Variants in DLG2 observed in about 807,000 individuals in gnomAD.
DLG2 encodes the protein disks large homolog 2.
In DLG2, 45 loss-of-function variants were observed where a neutral mutation model predicts 132.5. The ratio of observed to expected loss-of-function variants is 0.34; its 90% CI spans 0.27 to 0.44. The LOEUF is 0.44. Among genes scored for constraint, DLG2 ranks in the 20% least tolerant of loss-of-function variants. The probability of loss-of-function intolerance (pLI) is 1.00; values close to 1 mark genes in which losing one functional copy is unlikely to be tolerated. For synonymous variants in DLG2, 424 were observed against 419.6 expected, an observed-to-expected ratio of 1.01 and a Z score of -0.13; for missense variants, 1,045 against 1,196.9, an observed-to-expected ratio of 0.87 and a Z score of 1.87.
intron 11 of DLG2, among the ~76,000 whole-genome samples, chr11:84,000,651 G>T (rs943250702): frequency 1.3e-5 from 2 of 152,082 alleles, no homozygotes; most frequent in African/African-American, 2.4e-5. Context: ...ATCTCCACTA[G>T]ACTAAAATTG....
intron 3 of DLG2, among the ~76,000 whole-genome samples, chr11:85,441,157 C>T (rs1007531619): frequency 6.6e-6 from 1 of 151,994 alleles, no homozygotes; most frequent in Non-Finnish European, 1.5e-5. Flanking sequence ...ACAAGAGCAC[C>T]GAAGTATATA....
At chr11:84,377,129 G>A (rs2098732511) in intron 7 of DLG2, among the ~76,000 whole-genome samples, 1 of 152,036 alleles carries the variant, frequency 6.6e-6, no homozygotes. Context: ...TGCACCATCT[G>A]TGAAGTATCC....
Position 84,243,189 on chromosome 11 carries a change from T to C in DLG2, c.573+8049A>G, listed in dbSNP as rs901082473. On this transcript the variant is annotated intron_variant, in intron 8 of 27. Coordinates refer to ENST00000376104, the MANE Select transcript of DLG2 (RefSeq NM_001142699.3). The stretch of plus-strand genomic sequence containing the variant: ...AATAATGGACAATTCCATATCTGCA[T>C]TGTTTAATACAATACCCATTAGCCC... Among the ~76,000 whole-genome samples the C allele has an allele frequency of 2.8e-4, 42 of 152,184 alleles. 1 individual carries two copies. The highest frequency in any genetic ancestry group is 9.9e-4 in the African/African-American group (41 of 41,440).
At chr11:83,660,960 C>T (rs1308075404) in intron 18 of DLG2, among the ~76,000 whole-genome samples, 1 of 152,044 alleles carries the variant, frequency 6.6e-6, no homozygotes, top group Non-Finnish European at 1.5e-5. Flanking sequence ...GGAGATTATA[C>T]TAAGTTTTGT....
At chr11:84,295,465 C>T (rs989207388) in intron 7 of DLG2, among the ~76,000 whole-genome samples, 1 of 152,160 alleles carries the variant, frequency 6.6e-6, no homozygotes, top group Non-Finnish European at 1.5e-5. Flanking sequence ...TACTAATTTT[C>T]ACTGTATTCT....
chr11:83,599,620 G>A (rs889426729), intron 19 of DLG2, among the ~76,000 whole-genome samples: 4 of 152,098 alleles, frequency 2.6e-5, no homozygotes, highest in African/African-American at 7.2e-5. Flanking sequence ...TCATAACAGC[G>A]TAATACTGTG....
intron 6 of DLG2, among the ~76,000 whole-genome samples, chr11:85,099,703 G>C (rs2070534909): frequency 6.6e-6 from 1 of 152,134 alleles, no homozygotes; most frequent in South Asian, 2.1e-4. Flanking sequence ...CCCCATATCT[G>C]TAGCTGGTCT....
At chr11:84,962,812 A>G (rs1458731571) in intron 6 of DLG2, among the ~76,000 whole-genome samples, 1 of 152,210 alleles carries the variant, frequency 6.6e-6, no homozygotes, top group Non-Finnish European at 1.5e-5. Context: ...AGATACTTCT[A>G]TTTCTTTCTT....
rs556347290 is a variant in DLG2, at chr11:85,117,114, G to T, written c.283-5379C>A. On this transcript the variant is annotated intron_variant, in intron 5 of 27. Transcript: ENST00000376104. ...ACTCTCAGAGTTCGTCAAGGCAAAA[G>T]ATTCATTCTGGAGCCATTGTAACAC... Among the ~76,000 whole-genome samples the T allele has an allele frequency of 2.6e-5, 4 of 152,126 alleles. No individual in the cohort carries two copies. In the East Asian group the frequency reaches 5.8e-4, roughly 22 times the overall value.
At chr11:84,059,574 G>C (rs2096558223) in intron 10 of DLG2, 90 bp from the exon 11 acceptor site, 1 of 1,005,756 alleles carries the variant, frequency 9.9e-7, no homozygotes, top group Non-Finnish European at 1.4e-6. Context: ...TAAGAAGTGG[G>C]AAAGTAAAGA....
intron 10 of DLG2, among the ~76,000 whole-genome samples, chr11:84,085,543 T>C (rs896464271): frequency 6.6e-6 from 1 of 152,312 alleles, no homozygotes; most frequent in African/African-American, 2.4e-5. Flanking sequence ...TCAACAAATG[T>C]CAGATAATTA....
chr11:84,896,248 A>C (rs1191801942), intron 6 of DLG2, among the ~76,000 whole-genome samples: 1 of 152,100 alleles, frequency 6.6e-6, no homozygotes, highest in Non-Finnish European at 1.5e-5. Context: ...CTTATATGCA[A>C]ATTCTACAAC....
intron 2 of DLG2, among the ~76,000 whole-genome samples, chr11:85,614,583 T>G (rs1384202743): frequency 6.6e-6 from 1 of 152,160 alleles, no homozygotes; most frequent in Non-Finnish European, 1.5e-5. Context: ...GAGGTTGCAG[T>G]AAGCCAAAAT....
At chr11:84,699,238 G>A (rs548648285) in intron 6 of DLG2, among the ~76,000 whole-genome samples, 4 of 151,712 alleles carry the variant, frequency 2.6e-5, no homozygotes, top group African/African-American at 9.6e-5. Flanking sequence ...CTTATTAACT[G>A]TAAGTGCTTG....
intron 6 of DLG2, among the ~76,000 whole-genome samples, chr11:84,626,551 G>T (rs1397592476): frequency 6.6e-6 from 1 of 152,092 alleles, no homozygotes; most frequent in Non-Finnish European, 1.5e-5. Flanking sequence ...TGATATGTGA[G>T]GCTAAAATAT....
intron 6 of DLG2, among the ~76,000 whole-genome samples, chr11:84,978,175 T>C (rs2055192510): frequency 6.6e-6 from 1 of 152,292 alleles, no homozygotes; most frequent in Non-Finnish European, 1.5e-5. Context: ...TTAGAAAGAT[T>C]TCCAGAGAAA....
At chr11:83,650,338 T>C (rs2069803333) in intron 18 of DLG2, among the ~76,000 whole-genome samples, 1 of 151,804 alleles carries the variant, frequency 6.6e-6, no homozygotes. Flanking sequence ...AAGGAGGAAA[T>C]AGAAGGTAAG....
intron 20 of DLG2, among the ~76,000 whole-genome samples, chr11:83,535,977 T>C (rs2095867761): frequency 6.6e-6 from 1 of 152,200 alleles, no homozygotes; most frequent in South Asian, 2.1e-4. Flanking sequence ...CTTCAGTGTC[T>C]GTCCACAGCC....
chr11:83,475,978 C>T (rs1332259099), intron 22 of DLG2, among the ~76,000 whole-genome samples: 1 of 152,012 alleles, frequency 6.6e-6, no homozygotes, highest in Non-Finnish European at 1.5e-5. Flanking sequence ...AGGGTTTTGT[C>T]ACAGTCGCCA....
Sources: gnomAD v4.1 joint callset for allele counts (sites outside exome capture counted in the v4.1 genomes callset) on GRCh38, gnomAD v4.1.1 for gene constraint, MANE v1.5 for transcripts, NCBI Gene and HGNC (gene_info 2026-07-23, HGNC 2026-07-21) for gene names.